The following RPH3A variants were observed in gnomAD, a reference collection of about 807,000 sequenced individuals.
RPH3A encodes the protein rabphilin 3A.
RPH3A carries 48 observed loss-of-function variants against 102.2 expected under a neutral mutation model. The ratio of observed to expected loss-of-function variants is 0.47; its 90% CI spans 0.37 to 0.60. The LOEUF is 0.60. Among genes scored for constraint, RPH3A ranks in the 20% least tolerant of loss-of-function variants. RPH3A has a pLI of 0.00. For synonymous variants in RPH3A, 310 were observed against 324.3 expected (o/e 0.96, Z 0.47); for missense variants, 781 against 910.1 (o/e 0.86, Z 1.83).
Position 112,755,298 on chromosome 12 carries a change from TACACACACACACACACACAC to T in RPH3A, c.-139-36823_-139-36804del, listed in dbSNP as rs58229294. ...GTAAAATTGAATATATATATGTATA[TACACACACACACACACACAC>T]ACACACACACACACACACACATACA... On this transcript the variant is annotated intron_variant, in intron 1 of 21. Transcript: ENST00000543106. Among the ~76,000 whole-genome samples, 615 of 145,880 alleles carry T rather than the reference TACACACACACACACACACAC, an allele frequency of 4.2e-3. 4 individuals carry two copies. The highest frequency in any genetic ancestry group is 0.015 in the African/African-American group (571 of 38,830).
At chr12:112,876,969 C>A in intron 13 of RPH3A, 103 bp downstream of exon 13, 1 of 712,372 alleles carries the variant, frequency 1.4e-6, no homozygotes. Context: ...TCCCCAGACC[C>A]CTAATATACC....
intron 1 of RPH3A, among the ~76,000 whole-genome samples, chr12:112,675,375 C>T (rs1337032538): frequency 6.6e-6 from 1 of 152,144 alleles, no homozygotes; most frequent in Admixed American, 6.5e-5. Flanking sequence ...GTAGACTTTA[C>T]TCAGGTCCAG....
intron 1 of RPH3A, among the ~76,000 whole-genome samples, chr12:112,601,775 C>A (rs1207221939): frequency 6.6e-6 from 1 of 151,806 alleles, no homozygotes; most frequent in Non-Finnish European, 1.5e-5. Flanking sequence ...CTATAAAAAA[C>A]AAAAAAATTA....
intron 3 of RPH3A, among the ~76,000 whole-genome samples, chr12:112,834,684 C>T (rs113386995): frequency 0.018 from 2,697 of 152,144 alleles, 98 homozygotes; most frequent in African/African-American, 0.061. Context: ...TTTGCATTTC[C>T]CTAATAATTA....
At chr12:112,678,756 T>A (rs2040205193) in intron 1 of RPH3A, among the ~76,000 whole-genome samples, 1 of 152,058 alleles carries the variant, frequency 6.6e-6, no homozygotes, top group Non-Finnish European at 1.5e-5. Context: ...TCAGAGGAGA[T>A]GGGGACGGGA....
At chr12:112,754,331 T>C (rs192497743) in intron 1 of RPH3A, among the ~76,000 whole-genome samples, 1 of 150,072 alleles carries the variant, frequency 6.7e-6, no homozygotes, top group East Asian at 2.0e-4. Context: ...GCATCTGCCT[T>C]AGTGCCTGTA....
intron 1 of RPH3A, among the ~76,000 whole-genome samples, chr12:112,782,836 C>T (rs1445178518): frequency 6.6e-6 from 1 of 152,134 alleles, no homozygotes; most frequent in Non-Finnish European, 1.5e-5. Flanking sequence ...TAGCTTGTTT[C>T]CAATTTGTCA....
chr12:112,885,933 C>A (rs1285408267), intron 16 of RPH3A, among the ~76,000 whole-genome samples: 1 of 152,056 alleles, frequency 6.6e-6, no homozygotes, highest in East Asian at 1.9e-4. Context: ...GAGGTAAATT[C>A]CTATAAGTGG....
In RPH3A at chr12:112,890,324, CAGA is replaced by C. The variant is rs1228669356; in HGVS notation, c.1620+247_1620+249del. ...CCCACCAGGTTTTTGGCCTTGTTGT[CAGA>C]AGCTTTGTTGACAATTCTACTGACT... On this transcript the variant is annotated intron_variant, in intron 18 of 21. Transcript: ENST00000389385. 1.8e-4 allele frequency among the ~76,000 whole-genome samples: 27 copies of C among 152,184 alleles called. 2 individuals are homozygous for C. Among genetic ancestry groups the C allele is most frequent in the Non-Finnish European group, 4.4e-5 (3 of 68,036 alleles).
intron 5 of RPH3A, among the ~76,000 whole-genome samples, chr12:112,860,294 G>A (rs539923297): frequency 1.4e-4 from 21 of 152,274 alleles, no homozygotes; most frequent in African/African-American, 2.4e-4. Context: ...CACCTCACAC[G>A]CATCCTCTTT....
intron 1 of RPH3A, among the ~76,000 whole-genome samples, chr12:112,722,433 C>CT (rs2136043078): frequency 6.6e-6 from 1 of 152,302 alleles, no homozygotes; most frequent in Admixed American, 6.5e-5. Flanking sequence ...TCTGTACATT[C>CT]TAAGGAATGT....
At chr12:112,589,969 G>C (rs1196982996) in intron 1 of RPH3A, among the ~76,000 whole-genome samples, 2 of 151,920 alleles carry the variant, frequency 1.3e-5, no homozygotes, top group Admixed American at 6.6e-5. Flanking sequence ...TGTAATCCCA[G>C]CTACTTGGGA....
chr12:112,790,995 C>T (rs1165412832), upstream of RPH3A, among the ~76,000 whole-genome samples: 1 of 152,128 alleles, frequency 6.6e-6, no homozygotes, highest in Non-Finnish European at 1.5e-5. Context: ...AAAATAAGGT[C>T]ATTATGTTAT....
chr12:112,870,202 G>A (rs535282067), intron 10 of RPH3A, among the ~76,000 whole-genome samples, 163 bp downstream of exon 10: 45 of 151,298 alleles, frequency 3.0e-4, no homozygotes, highest in African/African-American at 1.0e-3. Flanking sequence ...GTAGAGGAAA[G>A]ACAGGATTCA....
chr12:112,775,222 C>CA (rs1358693066), intron 1 of RPH3A, among the ~76,000 whole-genome samples: 6 of 151,616 alleles, frequency 4.0e-5, no homozygotes, highest in African/African-American at 1.5e-4. Context: ...AAAACAAAAA[C>CA]AAAAAATCAA....
chr12:112,805,040 C>T (rs916709861), intron 2 of RPH3A, among the ~76,000 whole-genome samples: 1 of 151,764 alleles, frequency 6.6e-6, no homozygotes, highest in Non-Finnish European at 1.5e-5. Context: ...AAAAAACAAA[C>T]AAACAAACAA....
chr12:112,628,391 G>A (rs1006690032), intron 1 of RPH3A, among the ~76,000 whole-genome samples: 2 of 151,458 alleles, frequency 1.3e-5, no homozygotes, highest in Non-Finnish European at 2.9e-5. Context: ...TCAGTGAAAC[G>A]GGGCAGATTG....
intron 1 of RPH3A, among the ~76,000 whole-genome samples, chr12:112,590,082 C>CAAA (rs766520725): frequency 5.7e-4 from 66 of 114,858 alleles, no homozygotes; most frequent in South Asian, 5.6e-3. Flanking sequence ...GACTCCATCT[C>CAAA]AAAAAAAAAA....
intron 1 of RPH3A, among the ~76,000 whole-genome samples, chr12:112,768,889 G>A (rs2136071248): frequency 6.6e-6 from 1 of 152,254 alleles, no homozygotes; most frequent in East Asian, 1.9e-4. Flanking sequence ...TCCAGCCTGG[G>A]TAACAAAGCA....
Sources: gnomAD v4.1 joint callset for allele counts (sites outside exome capture counted in the v4.1 genomes callset) on GRCh38, gnomAD v4.1.1 for gene constraint, MANE v1.5 for transcripts, NCBI Gene and HGNC (gene_info 2026-07-23, HGNC 2026-07-21) for gene names.